CELF2: variants seen among roughly 807,000 people sequenced by gnomAD.
The protein encoded by CELF2 is CUG triplet repeat RNA-binding protein 2.
In CELF2, 8 loss-of-function variants were observed where a neutral mutation model predicts 62.6. That is an observed-to-expected ratio of 0.13 (90% confidence interval 0.07 to 0.23). CELF2 has a LOEUF of 0.23. CELF2 is among the 10% of genes least tolerant of loss of function. The pLI is 1.00. For missense variants in CELF2, 333 were observed against 671.0 expected, an observed-to-expected ratio of 0.50 and a Z score of 5.56; for synonymous variants, 258 against 250.0, an observed-to-expected ratio of 1.03 and a Z score of -0.30.
chr10:10,965,967 A>G (rs545214250), intron 2 of CELF2, among the ~76,000 whole-genome samples: 1 of 152,326 alleles, frequency 6.6e-6, no homozygotes, highest in Admixed American at 6.5e-5. Context: ...GTGACAAGCA[A>G]TGGTCACAAG....
At chr10:10,639,844 G>T in the CELF2 span, among the ~76,000 whole-genome samples, 1 of 152,146 alleles carries the variant, frequency 6.6e-6, no homozygotes, top group Non-Finnish European at 1.5e-5. Flanking sequence ...CGTCAATGAA[G>T]GAGAGACTGA....
chr10:11,176,657 G>T (rs1284096952), intron 2 of CELF2, among the ~76,000 whole-genome samples: 1 of 152,190 alleles, frequency 6.6e-6, no homozygotes, highest in African/African-American at 2.4e-5. Flanking sequence ...AGGCTGCTAG[G>T]TAGTGTAGAC....
intron 3 of CELF2, among the ~76,000 whole-genome samples, chr10:11,241,524 A>G (rs1298423220): frequency 6.6e-6 from 1 of 152,108 alleles, no homozygotes; most frequent in Non-Finnish European, 1.5e-5. Context: ...GATCTGACAG[A>G]TTATTTTTGT....
At chr10:10,851,772 A>C (rs535732029) in intron 1 of CELF2, among the ~76,000 whole-genome samples, 2 of 152,182 alleles carry the variant, frequency 1.3e-5, no homozygotes, top group African/African-American at 4.8e-5. Flanking sequence ...AAACAGCCCA[A>C]TTTTTTAAGT....
chr10:10,602,942 G>A, the CELF2 span, among the ~76,000 whole-genome samples: 3 of 152,118 alleles, frequency 2.0e-5, no homozygotes, highest in Admixed American at 1.3e-4. Context: ...GGGATTTGGA[G>A]TTGTCTCTAA....
At position 10,938,946 on chromosome 10, in the gene CELF2, C is replaced by A. The variant is rs1210983302; in HGVS notation, c.89+18947C>A. 6.6e-6 allele frequency among the ~76,000 whole-genome samples: 1 copy of A among 152,214 alleles called. No individual in the cohort carries two copies. Among genetic ancestry groups the A allele is most frequent in the Non-Finnish European group, 1.5e-5 (1 of 68,036 alleles). Reference sequence around the variant, plus strand: ...TCTTTCTCCATGCCTAGGCCAAGCGCTCCTGCAGCAGCAAAATCCCTCTCT... The same window carrying A: ...TCTTTCTCCATGCCTAGGCCAAGCGATCCTGCAGCAGCAAAATCCCTCTCT... On this transcript the variant is annotated intron_variant, in intron 2 of 13. Coordinates refer to the CELF2 transcript ENST00000636488. The surrounding 1 kb of genome is among the most constrained non-coding windows in gnomAD (Gnocchi z 4.2).
chr10:10,961,518 G>A (rs1017173961), intron 2 of CELF2, among the ~76,000 whole-genome samples: 1 of 151,830 alleles, frequency 6.6e-6, no homozygotes, highest in Non-Finnish European at 1.5e-5. Context: ...AGGCTGAGGT[G>A]AGCGGATCAC....
chr10:10,984,210 C>T lies in CELF2; in HGVS notation c.89+64211C>T, dbSNP rs540684939. On this transcript the variant is annotated intron_variant, in intron 2 of 13. Transcript: ENST00000636488. The stretch of plus-strand genomic sequence containing the variant: ...ACTTACTGAAGGACACACAGAGGGT[C>T]GAGTCAGAGATCCGCTCCAAGCCCT... Among the ~76,000 whole-genome samples, 5 of 152,284 alleles carry T rather than the reference C, an allele frequency of 3.3e-5. No individual in the cohort carries two copies. In the South Asian group the frequency reaches 6.2e-4, roughly 19 times the overall value.
intron 1 of CELF2, among the ~76,000 whole-genome samples, chr10:10,842,544 G>A (rs117599379): frequency 6.6e-5 from 10 of 152,006 alleles, no homozygotes; most frequent in South Asian, 2.1e-4. Flanking sequence ...ATCAATTGAC[G>A]TGATCATATG....
the CELF2 span, among the ~76,000 whole-genome samples, chr10:10,537,711 C>T: frequency 6.6e-6 from 1 of 152,122 alleles, no homozygotes; most frequent in Non-Finnish European, 1.5e-5. Context: ...CTCTGTACCA[C>T]CCCATGAGTG....
chr10:11,035,784 A>T (rs1476151037), intron 1 of CELF2, among the ~76,000 whole-genome samples: 1 of 152,216 alleles, frequency 6.6e-6, no homozygotes, highest in Non-Finnish European at 1.5e-5. Context: ...TCAATGGACC[A>T]TGTAATGTGC....
chr10:11,025,113 T>C (rs902849530), intron 1 of CELF2, among the ~76,000 whole-genome samples: 5 of 152,046 alleles, frequency 3.3e-5, no homozygotes, highest in Non-Finnish European at 7.4e-5. Context: ...ACAAAGACAA[T>C]CAGTTGGTCT....
At chr10:10,667,623 T>C in the CELF2 span, among the ~76,000 whole-genome samples, 1 of 152,226 alleles carries the variant, frequency 6.6e-6, no homozygotes, top group Non-Finnish European at 1.5e-5. Flanking sequence ...TTATTCCCAC[T>C]TTTGGATCTT....
intron 8 of CELF2, among the ~76,000 whole-genome samples, chr10:11,284,454 A>G (rs2090406862): frequency 2.1e-5 from 3 of 142,384 alleles, no homozygotes; most frequent in African/African-American, 8.0e-5. Context: ...TGGTGGGTGG[A>G]TGAGGGATGA....
intron 9 of CELF2, among the ~76,000 whole-genome samples, chr10:11,308,009 CTGTCTTGTGTTTTG>C (rs1392881112): frequency 2.0e-5 from 3 of 152,160 alleles, no homozygotes; most frequent in South Asian, 2.1e-4. Context: ...GAGCAACAGC[CTGTCTTGTGTTTTG>C]TGTCTTGTGT....
chr10:10,515,513 C>G, the CELF2 span, among the ~76,000 whole-genome samples: 3 of 152,064 alleles, frequency 2.0e-5, no homozygotes, highest in Admixed American at 6.5e-5. Context: ...GGTAAAAGAC[C>G]GAGTGATCCT....
At chr10:10,759,074 G>A in the CELF2 span, among the ~76,000 whole-genome samples, 7 of 152,084 alleles carry the variant, frequency 4.6e-5, no homozygotes, top group African/African-American at 1.2e-4. Flanking sequence ...ATGAGCTATC[G>A]AATCAATGAT....
In CELF2 at chr10:11,109,781, C is replaced by T. The variant is rs534310887; in HGVS notation, c.75-55705C>T. 7.4e-4 allele frequency among the ~76,000 whole-genome samples: 112 copies of T among 152,230 alleles called. 1 individual carries two copies. In the Middle Eastern group the frequency reaches 0.01, roughly 14 times the overall value. ...GAAGCAACGCTTGTGCTCTGCAGGC[C>T]GGTTATTTAACTCCTGCATGCACAT... On this transcript the variant is annotated intron_variant, in intron 1 of 12. Transcript: ENST00000633077.
At position 11,039,729 on chromosome 10, in the gene CELF2, A is replaced by G. The variant is rs187149691; in HGVS notation, c.74+21566A>G. Among the ~76,000 whole-genome samples, 114 of 152,346 alleles carry G rather than the reference A, an allele frequency of 7.5e-4. No individual in the cohort carries two copies. The highest frequency in any genetic ancestry group is 2.6e-3 in the African/African-American group (109 of 41,588). On this transcript the variant is annotated intron_variant, in intron 1 of 12. Transcript: ENST00000633077. This position sits in a 1 kb window ranked among gnomAD's most constrained non-coding sequence, Gnocchi z 4.1. ...ACATTATGTACCAGTTTTTAAGGCT[A>G]GTTTCATTTAGGAAAAAAGATAATT...
Sources: allele counts gnomAD v4.1 joint callset (sites outside exome capture counted in the v4.1 genomes callset), GRCh38; gene constraint gnomAD v4.1.1; non-coding constraint Gnocchi (gnomAD v3.1); transcripts MANE v1.5; gene names NCBI Gene and HGNC (gene_info 2026-07-23, HGNC 2026-07-21).